NCOA7: variants seen among roughly 807,000 people sequenced by gnomAD.
NCOA7 encodes the protein 140 kDa estrogen receptor-associated protein.
A neutral mutation model predicts 104.3 loss-of-function variants in NCOA7; 45 were observed. That is an observed-to-expected ratio of 0.43 (90% CI 0.34 to 0.55). NCOA7 has a LOEUF of 0.55. Ranked by LOEUF, NCOA7 falls within the 20% of genes least tolerant of loss-of-function variation. The probability of loss-of-function intolerance (pLI) is 0.02; values close to 1 mark genes in which losing one functional copy is unlikely to be tolerated. For synonymous variants in NCOA7, 398 were observed against 402.3 expected, an observed-to-expected ratio of 0.99 and a Z score of 0.13; for missense variants, 1,041 against 1,119.7, an observed-to-expected ratio of 0.93 and a Z score of 1.00.
intron 2 of NCOA7, among the ~76,000 whole-genome samples, chr6:125,817,191 G>T (rs1055965029): frequency 3.3e-5 from 5 of 152,096 alleles, no homozygotes; most frequent in Non-Finnish European, 7.4e-5. Context: ...TTCCAGTTTG[G>T]GCTATTTATG....
At chr6:125,830,544 A>G (rs748350260) in intron 2 of NCOA7, among the ~76,000 whole-genome samples, 6 of 152,112 alleles carry the variant, frequency 3.9e-5, no homozygotes, top group Non-Finnish European at 8.8e-5. Flanking sequence ...TTTTTAAATT[A>G]CCAGGCATGG....
At chr6:125,921,591 C>T (rs1187641664) in intron 12 of NCOA7, among the ~76,000 whole-genome samples, 2 of 152,114 alleles carry the variant, frequency 1.3e-5, no homozygotes, top group Non-Finnish European at 2.9e-5. Context: ...CAGACACTAA[C>T]ATCCTTCTCT....
chr6:125,876,729 G>C (rs1032804312), intron 4 of NCOA7, among the ~76,000 whole-genome samples: 2 of 151,932 alleles, frequency 1.3e-5, no homozygotes, highest in Non-Finnish European at 2.9e-5. Flanking sequence ...AGTTGGTTTT[G>C]TGCTTGTCAT....
At chr6:125,853,915 A>G (rs1027458421) in intron 2 of NCOA7, among the ~76,000 whole-genome samples, 6 of 152,274 alleles carry the variant, frequency 3.9e-5, no homozygotes, top group South Asian at 2.1e-4. Context: ...TAGCCTGCCA[A>G]ATTGATTTGT....
intron 2 of NCOA7, among the ~76,000 whole-genome samples, chr6:125,846,248 G>T (rs1780596527): frequency 6.6e-6 from 1 of 151,988 alleles, no homozygotes; most frequent in African/African-American, 2.4e-5. Context: ...CTTTTCCAGG[G>T]CTAGAAATTC....
chr6:125,898,818 C>A (rs1418006241), intron 10 of NCOA7, among the ~76,000 whole-genome samples: 1 of 151,874 alleles, frequency 6.6e-6, no homozygotes, highest in Non-Finnish European at 1.5e-5. Context: ...AGCTTATAAT[C>A]TAATAAATAA....
At chr6:125,901,088 A>G (rs2128671124) in intron 10 of NCOA7, among the ~76,000 whole-genome samples, 1 of 152,326 alleles carries the variant, frequency 6.6e-6, no homozygotes, top group East Asian at 1.9e-4. Context: ...ATGATGGACA[A>G]TACAAGTGAC....
chr6:125,906,054 C>T (rs181214849), intron 10 of NCOA7, among the ~76,000 whole-genome samples: 43 of 152,174 alleles, frequency 2.8e-4, no homozygotes, highest in Non-Finnish European at 3.5e-4. Context: ...CCTCCCACCT[C>T]GGCTTCCCAA....
At chr6:125,823,694 A>T (rs1454898993) in intron 2 of NCOA7, among the ~76,000 whole-genome samples, 1 of 152,246 alleles carries the variant, frequency 6.6e-6, no homozygotes, top group Non-Finnish European at 1.5e-5. Flanking sequence ...ATTAATAGTT[A>T]GACTCATGCT....
chr6:125,835,497 A>C lies in NCOA7; in HGVS notation c.51-19523A>C, dbSNP rs139004455. Among the ~76,000 whole-genome samples, 37 of 152,286 alleles carry C rather than the reference A, an allele frequency of 2.4e-4. No individual in the cohort carries two copies. In the East Asian group the frequency reaches 6.7e-3, roughly 28 times the overall value. ...GACTCAAATAATGTCATTATGACTCAGTTTGTCTGTATCTAAATCCTTCCT... is the reference window on the plus strand; with the variant it reads ...GACTCAAATAATGTCATTATGACTCCGTTTGTCTGTATCTAAATCCTTCCT... On this transcript the variant is annotated intron_variant, in intron 2 of 15. Transcript: ENST00000392477.
rs565473130 is a variant in NCOA7, at chr6:125,820,507, G to T, written c.50+5103G>T. Among the ~76,000 whole-genome samples the T allele has an allele frequency of 3.3e-5, 5 of 152,360 alleles. No individual in the cohort carries two copies. The East Asian group carries it at 9.6e-4, about 29-fold the overall frequency. ...CTGGTCCCCTTATTCTCTTTTCCATGGCAGAGGAGATTTGAACCCACTGTA... is the reference window on the plus strand; with the variant it reads ...CTGGTCCCCTTATTCTCTTTTCCATTGCAGAGGAGATTTGAACCCACTGTA... On this transcript the variant is annotated intron_variant, in intron 2 of 15. Coordinates refer to ENST00000392477, the MANE Select transcript of NCOA7 (RefSeq NM_181782.5).
rs114166214 is a variant in NCOA7, at chr6:125,821,505, G to T, written c.50+6101G>T. Among the ~76,000 whole-genome samples the T allele has an allele frequency of 1.4e-3, 220 of 152,162 alleles. 2 individuals carry two copies. Among genetic ancestry groups the T allele is most frequent in the African/African-American group, 5.2e-3 (217 of 41,470 alleles). ...AGTGTGGGTTGCATAGATTTCTGTG[G>T]GCAGTCTTGACAGCTGAACATTAAT... On this transcript the variant is annotated intron_variant, in intron 2 of 15. Transcript: ENST00000392477.
chr6:125,917,346 C>A (rs1183499201), intron 11 of NCOA7, among the ~76,000 whole-genome samples: 1 of 152,110 alleles, frequency 6.6e-6, no homozygotes. Context: ...ATCTACCTTC[C>A]TCATCACTGC....
At position 125,931,778 on chromosome 6, in the gene NCOA7, A is replaced by C. The variant is rs1788473292; in HGVS notation, c.*3007A>C. 1 of 152,134 alleles carries C rather than the reference A, an allele frequency of 6.6e-6. No individual in the cohort carries two copies. The highest frequency in any genetic ancestry group is 2.4e-5 in the African/African-American group (1 of 41,416). The allele number at this position is 152,134 out of a possible 1,614,324, so 9.4% of individuals were successfully genotyped here. A position where few individuals can be genotyped will look rare whatever the true frequency, so the allele number is the denominator to read the frequency against. Reference sequence around the variant, plus strand: ...ACATCTCATTGGAATTATAATCCCCACATGTTGAGGGAGGGACCTAGTGGG... The same window carrying C: ...ACATCTCATTGGAATTATAATCCCCCCATGTTGAGGGAGGGACCTAGTGGG... On this transcript the variant is annotated 3_prime_UTR_variant, in exon 16 of 16. Coordinates refer to ENST00000392477, the MANE Select transcript of NCOA7 (RefSeq NM_181782.5).
chr6:125,839,449 C>A (rs894852277), intron 2 of NCOA7, among the ~76,000 whole-genome samples: 3 of 152,066 alleles, frequency 2.0e-5, no homozygotes, highest in African/African-American at 7.3e-5. Flanking sequence ...TATCTGCTGT[C>A]CCCTCCCCTC....
chr6:125,866,803 T>G (rs1731830412), intron 3 of NCOA7, among the ~76,000 whole-genome samples: 1 of 152,192 alleles, frequency 6.6e-6, no homozygotes, highest in Admixed American at 6.5e-5. Flanking sequence ...TTGCTGTGGC[T>G]TTATAATCAT....
intron 13 of NCOA7, 136 bp from the exon 14 acceptor site, chr6:125,927,527 T>C (rs1248800955): frequency 6.0e-6 from 4 of 669,578 alleles, no homozygotes; most frequent in Non-Finnish European, 1.0e-5. Context: ...GTGGTCTTTT[T>C]AAGTTTGAGT....
chr6:125,883,785 T>A (rs1287627904), intron 7 of NCOA7, among the ~76,000 whole-genome samples: 1 of 148,890 alleles, frequency 6.7e-6, no homozygotes, highest in Non-Finnish European at 1.5e-5. Flanking sequence ...AATGGTGCGA[T>A]CTCTGCTCAC....
chr6:125,923,128 G>A (rs1787734780), intron 13 of NCOA7, among the ~76,000 whole-genome samples: 1 of 152,204 alleles, frequency 6.6e-6, no homozygotes, highest in Non-Finnish European at 1.5e-5. Context: ...AAGTGGAAAA[G>A]TATAATGATA....
Sources: allele counts gnomAD v4.1 joint callset (sites outside exome capture counted in the v4.1 genomes callset), GRCh38; gene constraint gnomAD v4.1.1; transcripts MANE v1.5; gene names NCBI Gene and HGNC (gene_info 2026-07-23, HGNC 2026-07-21).